Variants in APTX observed in about 807,000 individuals in gnomAD.
The protein encoded by APTX is aprataxin.
In APTX, 33 loss-of-function variants were observed where a neutral mutation model predicts 42.3. That is an observed-to-expected ratio of 0.78 (90% CI 0.59 to 1.04). The LOEUF (loss-of-function observed/expected upper bound fraction) is 1.04, where lower values mean the gene tolerates loss of function less well. APTX is among the 50% of genes least tolerant of loss of function. APTX has a pLI of 0.00. For synonymous variants in APTX, 130 were observed against 146.7 expected, an observed-to-expected ratio of 0.89 and a Z score of 0.82; for missense variants, 421 against 415.1, an observed-to-expected ratio of 1.01 and a Z score of -0.12.
At chr9:33,023,589 C>T (rs1226554666) in intron 1 of APTX, among the ~76,000 whole-genome samples, 1 of 152,146 alleles carries the variant, frequency 6.6e-6, no homozygotes, top group Non-Finnish European at 1.5e-5. Flanking sequence ...CGTTTATTAA[C>T]GGTTGGTTTA....
At chr9:33,007,422 C>A (rs1040881961) in intron 1 of APTX, among the ~76,000 whole-genome samples, 3 of 152,106 alleles carry the variant, frequency 2.0e-5, no homozygotes, top group Admixed American at 6.6e-5. Flanking sequence ...GTGGGGAAGG[C>A]AAAAGCAGAA....
intron 5 of APTX, among the ~76,000 whole-genome samples, 184 bp from the exon 6 acceptor site, chr9:32,985,041 C>G (rs1220874865): frequency 1.3e-5 from 2 of 152,214 alleles, no homozygotes; most frequent in African/African-American, 4.8e-5. Flanking sequence ...GTCATAGTTC[C>G]TAAGAGGGAA....
At chr9:32,993,293 A>C (rs1182586639) in intron 1 of APTX, among the ~76,000 whole-genome samples, 3 of 152,234 alleles carry the variant, frequency 2.0e-5, no homozygotes, top group Admixed American at 2.0e-4. Flanking sequence ...AACCAACCTT[A>C]AATAGTAACT....
rs1026443782 is a variant in APTX, at chr9:32,997,563, C to T, written c.-5+4004G>A. On this transcript the variant is annotated intron_variant, in intron 1 of 7. Transcript: ENST00000379817. Reference sequence around the variant, plus strand: ...GGTTAATTAGGTGAAAAGGAGCAGCCTAATTAGGTGAGGAGCAGGAGGTGG... The same window carrying T: ...GGTTAATTAGGTGAAAAGGAGCAGCTTAATTAGGTGAGGAGCAGGAGGTGG... 2.0e-5 allele frequency among the ~76,000 whole-genome samples: 3 copies of T among 152,060 alleles called. No individual in the cohort carries two copies. The South Asian group carries it at 6.2e-4, about 32-fold the overall frequency.
chr9:33,002,436 T>C (rs1836719336), upstream of APTX, among the ~76,000 whole-genome samples: 1 of 152,150 alleles, frequency 6.6e-6, no homozygotes, highest in African/African-American at 2.4e-5. Context: ...CCGCCTTATG[T>C]GGTTATTCTC....
intron 1 of APTX, among the ~76,000 whole-genome samples, chr9:33,011,351 G>A (rs1485029022): frequency 1.3e-5 from 2 of 151,136 alleles, no homozygotes; most frequent in African/African-American, 4.8e-5. Context: ...GCAGTGGCAC[G>A]ATCTTGGCTC....
chr9:32,984,507 T>A, intron 6 of APTX, 124 bp downstream of exon 6: 3 of 982,956 alleles, frequency 3.1e-6, no homozygotes, highest in Non-Finnish European at 4.8e-6. Context: ...CCCACCTGCT[T>A]TGGAAAAACT....
Position 32,986,043 on chromosome 9 carries a change from C to CCAAAAAAAAA in APTX, c.484-14_484-13insTTTTTTTTTG, listed in dbSNP as rs1831967048. ...GGCCCAGGGATTCCTAAAAAAAAAA[C>CCAAAAAAAAA]AAAAAAAAAAACAAAAAAAAAAAAA... On this transcript the variant is annotated splice_polypyrimidine_tract_variant and intron_variant, in intron 4 of 7. Coordinates refer to ENST00000379817, the MANE Select transcript of APTX (RefSeq NM_001195248.2). 1.1e-6 allele frequency: 1 copy of CCAAAAAAAAA among 951,286 alleles called. No homozygotes were observed. The highest frequency in any genetic ancestry group is 1.5e-6 in the Non-Finnish European group (1 of 684,260). 58.9% of individuals were successfully genotyped at this position (951,286 alleles called of 1,614,324 possible). A position where few individuals can be genotyped will look rare whatever the true frequency, so the allele number is the denominator to read the frequency against.
chr9:33,023,651 T>C (rs925823277), intron 1 of APTX, among the ~76,000 whole-genome samples: 3 of 152,168 alleles, frequency 2.0e-5, no homozygotes, highest in African/African-American at 4.8e-5. Flanking sequence ...CACCTAAGAT[T>C]GAAAAAAATC....
chr9:32,973,296 A>G lies in APTX; in HGVS notation c.*202T>C, dbSNP rs977003268. ...ATCCCAGCCACCCTCACCAGAGAAT[A>G]CATCTATGACAAACCCAAATTCCTA... On this transcript the variant is annotated 3_prime_UTR_variant, in exon 8 of 8. Coordinates refer to ENST00000379817, the MANE Select transcript of APTX (RefSeq NM_001195248.2). 1 of 685,558 alleles carries G rather than the reference A, an allele frequency of 1.5e-6. No individual in the cohort carries two copies. Among genetic ancestry groups the G allele is most frequent in the Non-Finnish European group, 2.6e-6 (1 of 381,950 alleles). 42.5% of individuals were successfully genotyped at this position (685,558 alleles called of 1,614,324 possible).
At chr9:32,998,890 TAAA>T (rs34068893) in intron 1 of APTX, among the ~76,000 whole-genome samples, 1 of 138,038 alleles carries the variant, frequency 7.2e-6, no homozygotes, top group African/African-American at 2.7e-5. Context: ...TTGGTCAAGC[TAAA>T]AAAAAAAAAA....
intron 1 of APTX, chr9:33,019,760 T>C: frequency 1.7e-6 from 1 of 590,428 alleles, no homozygotes; most frequent in Non-Finnish European, 2.9e-6. Flanking sequence ...AGAAAGATGG[T>C]CGAGAAAGTT....
chr9:32,993,779 C>T lies in APTX; in HGVS notation c.-4-3884G>A, dbSNP rs1247484705. ...TGTTGCCCAGGCTGGAATGCAGTGGCGCAATCTCAGCTCACTGCAAACTCC... is the reference window on the plus strand; with the variant it reads ...TGTTGCCCAGGCTGGAATGCAGTGGTGCAATCTCAGCTCACTGCAAACTCC... On this transcript the variant is annotated intron_variant, in intron 1 of 7. Coordinates refer to ENST00000379817, the MANE Select transcript of APTX (RefSeq NM_001195248.2). Among the ~76,000 whole-genome samples, 7 of 147,566 alleles carry T rather than the reference C, an allele frequency of 4.7e-5. No homozygotes were observed. The South Asian group carries it at 8.5e-4, about 18-fold the overall frequency.
Position 33,017,484 on chromosome 9 carries a change from TG to T in APTX, c.-5+7538del, listed in dbSNP as rs1398608290. Reference sequence around the variant, plus strand: ...CTCACAAGCTCTCCTGGGTTTCTTTTGTAAGGGCACTAATCCCATGACGTAG... The same window carrying T: ...CTCACAAGCTCTCCTGGGTTTCTTTTTAAGGGCACTAATCCCATGACGTAG... On this transcript the variant is annotated intron_variant, in intron 1 of 6. Coordinates refer to the APTX transcript ENST00000436040. Among the ~76,000 whole-genome samples, 6 of 135,104 alleles carry T rather than the reference TG, an allele frequency of 4.4e-5. No homozygotes were observed. The East Asian group carries it at 1.2e-3, about 26-fold the overall frequency. The allele number at this position is 135,104 out of a possible 152,430, so 88.6% of individuals were successfully genotyped here. A position where few individuals can be genotyped will look rare whatever the true frequency, so the allele number is the denominator to read the frequency against.
chr9:33,010,682 G>T (rs1837478782), intron 1 of APTX, among the ~76,000 whole-genome samples: 1 of 150,976 alleles, frequency 6.6e-6, no homozygotes, highest in African/African-American at 2.4e-5. Flanking sequence ...TCATGCCATT[G>T]CACTCCAGCC....
rs745911325 is a variant in APTX at position 32,988,118 on chromosome 9, C to G, written c.145G>C (p.Ala49Pro). Residue 49 changes from alanine (A) to proline (P), a missense_variant, in exon 3 of 8, where the codon GCA becomes CCA. Physicochemically the swap from Ala to Pro is conservative, Grantham distance 27 (BLOSUM62 -1). Transcript: ENST00000379817. ...KCSRQQVQLK[A>P]ECNKGYVKVK... ...TTGACATATCCCTTGTTACACTCTG[C>G]TTTCAACTGTACTGAAAGAGATTGG... is the stretch of plus-strand genomic sequence containing the variant. 1.2e-6 allele frequency: 2 copies of G among 1,614,128 alleles called. No homozygotes were observed. Among genetic ancestry groups the G allele is most frequent in the South Asian group, 2.2e-5 (2 of 91,078 alleles).
chr9:33,013,086 T>C (rs541931481), intron 1 of APTX, among the ~76,000 whole-genome samples: 1 of 152,360 alleles, frequency 6.6e-6, no homozygotes, highest in South Asian at 2.1e-4. Flanking sequence ...TAAATCAATG[T>C]AATGTTGATT....
intron 1 of APTX, among the ~76,000 whole-genome samples, chr9:33,021,715 T>C (rs1048482503): frequency 6.6e-6 from 1 of 151,970 alleles, no homozygotes. Flanking sequence ...AAAATAAGAT[T>C]AGTGTTAGAC....
intron 1 of APTX, among the ~76,000 whole-genome samples, chr9:33,010,435 G>A (rs971276474): frequency 3.9e-5 from 6 of 152,002 alleles, no homozygotes; most frequent in Non-Finnish European, 5.9e-5. Context: ...AAGTTCCTGC[G>A]TTCGCCAGGC....
Sources: gnomAD v4.1 joint callset for allele counts (sites outside exome capture counted in the v4.1 genomes callset) on GRCh38, gnomAD v4.1.1 for gene constraint, MANE v1.5 for transcripts, NCBI Gene and HGNC (gene_info 2026-07-23, HGNC 2026-07-21) for gene names.